The following SGSM3 variants were observed in gnomAD, a reference collection of about 807,000 sequenced individuals.
The protein encoded by SGSM3 is RUN and SH3 containing 3.
SGSM3 carries 96 observed loss-of-function variants against 100.5 expected under a neutral mutation model. That is an observed-to-expected ratio of 0.96 (90% CI 0.81 to 1.13). The LOEUF (loss-of-function observed/expected upper bound fraction) is 1.13, where lower values mean the gene tolerates loss of function less well. Ranked by LOEUF, SGSM3 falls within the 50% of genes most tolerant of loss-of-function variation. SGSM3 has a pLI of 0.00. For missense variants in SGSM3, 1,001 were observed against 1,015.8 expected (o/e 0.99, Z 0.20); for synonymous variants, 483 against 422.8 (o/e 1.14, Z -1.75).
chr22:40,393,869 G>A (rs1026616380), intron 1 of SGSM3, among the ~76,000 whole-genome samples: 4 of 152,178 alleles, frequency 2.6e-5, no homozygotes, highest in African/African-American at 4.8e-5. Context: ...TCTCTTAAAG[G>A]TTCCAGCTCT....
intron 1 of SGSM3, among the ~76,000 whole-genome samples, chr22:40,385,583 G>C (rs2048286340): frequency 6.6e-6 from 1 of 152,196 alleles, no homozygotes; most frequent in South Asian, 2.1e-4. Flanking sequence ...TTTTGACACG[G>C]AGAATAAGGA....
At chr22:40,372,079 T>C (rs1187893078) in intron 1 of SGSM3, among the ~76,000 whole-genome samples, 1 of 150,292 alleles carries the variant, frequency 6.7e-6, no homozygotes, top group Non-Finnish European at 1.5e-5. Flanking sequence ...TCCCTAATTA[T>C]CATAGTAGCC....
intron 4 of SGSM3, among the ~76,000 whole-genome samples, chr22:40,403,726 T>G (rs2051059535): frequency 6.6e-6 from 1 of 152,134 alleles, no homozygotes; most frequent in African/African-American, 2.4e-5. Flanking sequence ...CAGAGTGACA[T>G]GATCTGACTT....
intron 2 of SGSM3, 149 bp from the exon 3 acceptor site, chr22:40,401,444 C>G: frequency 1.8e-6 from 1 of 556,066 alleles, no homozygotes; most frequent in Non-Finnish European, 3.4e-6. Flanking sequence ...ATGGGTTTCT[C>G]CATGTTGGCC....
intron 1 of SGSM3, among the ~76,000 whole-genome samples, chr22:40,386,169 C>T (rs2048410811): frequency 1.3e-5 from 2 of 151,980 alleles, no homozygotes; most frequent in African/African-American, 4.8e-5. Flanking sequence ...TGTGAGCCAC[C>T]ACCTCTCCCA....
intron 17 of SGSM3, 22 bp downstream of exon 17, chr22:40,408,719 T>C (rs1175564705): frequency 6.2e-7 from 1 of 1,613,870 alleles, no homozygotes; most frequent in Non-Finnish European, 8.5e-7. Flanking sequence ...CGGGTTCTTC[T>C]GGTGGGGTCA....
chr22:40,410,012 G>GCC lies in SGSM3; in HGVS notation c.*254_*255dup. The GCC allele has an allele frequency of 7.5e-7, 1 of 1,336,044 alleles. No individual in the cohort carries two copies. The highest frequency in any genetic ancestry group is 9.5e-7 in the Non-Finnish European group (1 of 1,049,302). 82.8% of individuals were successfully genotyped at this position (1,336,044 alleles called of 1,614,324 possible). Reference sequence around the variant, plus strand: ...AAAAACCTTGTGAGGAGGTGGGGGAGCCATGTCTGTGCTCAGGAAGAGGGA... The same window carrying GCC: ...AAAAACCTTGTGAGGAGGTGGGGGAGCCCCATGTCTGTGCTCAGGAAGAGGGA... On this transcript the variant is annotated 3_prime_UTR_variant, in exon 22 of 22. Coordinates refer to ENST00000248929, the MANE Select transcript of SGSM3 (RefSeq NM_015705.6).
In SGSM3 at chr22:40,409,905, A is replaced by C. The variant is rs2052368104; in HGVS notation, c.*146A>C. The C allele has an allele frequency of 7.8e-6, 11 of 1,418,828 alleles. No homozygotes were observed. The South Asian group carries it at 1.4e-4, about 19-fold the overall frequency. 87.9% of individuals were successfully genotyped at this position (1,418,828 alleles called of 1,614,324 possible). On this transcript the variant is annotated 3_prime_UTR_variant, in exon 22 of 22. Coordinates refer to ENST00000248929, the MANE Select transcript of SGSM3 (RefSeq NM_015705.6). ...GCTGCCCCACTCCACGTTCCCCAGC[A>C]CATCCCAGGTGGTGGGAGCAGAGGG...
In SGSM3 at chr22:40,404,652, C is replaced by T. The variant is rs572044942; in HGVS notation, c.462C>T (p.Ile154=). The change falls in exon 6 of 22, where the codon ATC becomes ATT. Residue 154 remains isoleucine (I), a synonymous_variant. Coordinates refer to ENST00000248929, the MANE Select transcript of SGSM3 (RefSeq NM_015705.6). ...IVKNSSNDET[I]AAKQIEKDLL... ...AGAACAGCTCCAACGATGAGACCAT[C>T]GCTGCCAAGCAGGTGAGGCCGGTGG... The T allele has an allele frequency of 1.1e-4, 172 of 1,611,014 alleles. No individual in the cohort carries two copies. Among genetic ancestry groups the T allele is most frequent in the Non-Finnish European group, 1.4e-4 (162 of 1,178,312 alleles).
At chr22:40,399,365 T>C (rs2050438768) in intron 1 of SGSM3, among the ~76,000 whole-genome samples, 2 of 152,218 alleles carry the variant, frequency 1.3e-5, no homozygotes, top group African/African-American at 4.8e-5. Flanking sequence ...GTGGTTGTTC[T>C]GCCACAGCCA....
intron 1 of SGSM3, among the ~76,000 whole-genome samples, chr22:40,394,520 C>T (rs2049797913): frequency 6.6e-6 from 1 of 152,020 alleles, no homozygotes; most frequent in Non-Finnish European, 1.5e-5. Context: ...GTGGTGGGCA[C>T]CTGTAATCCC....
chr22:40,374,850 A>T (rs149605477), intron 1 of SGSM3, among the ~76,000 whole-genome samples: 41 of 152,278 alleles, frequency 2.7e-4, no homozygotes, highest in Non-Finnish European at 4.9e-4. Flanking sequence ...GTACCACTGC[A>T]CTCCAGCCTG....
intron 8 of SGSM3, 88 bp downstream of exon 8, chr22:40,405,932 A>G (rs1486231776): frequency 4.1e-6 from 6 of 1,480,578 alleles, no homozygotes; most frequent in Middle Eastern, 2.0e-4. Flanking sequence ...CAGCCCCCCA[A>G]CCATGGTCTT....
chr22:40,402,471 G>A (rs949251395), intron 4 of SGSM3, among the ~76,000 whole-genome samples: 3 of 152,210 alleles, frequency 2.0e-5, no homozygotes, highest in African/African-American at 7.2e-5. Context: ...TGGACGTGGT[G>A]GCTCACGCCT....
chr22:40,408,018 G>A (rs991515508), intron 14 of SGSM3, 53 bp from the exon 15 acceptor site: 7 of 1,585,594 alleles, frequency 4.4e-6, no homozygotes, highest in Non-Finnish European at 5.2e-6. Flanking sequence ...GGCTGTGTCT[G>A]CTCTGTCCTC....
intron 1 of SGSM3, among the ~76,000 whole-genome samples, chr22:40,390,073 C>T (rs1311905793): frequency 1.3e-5 from 2 of 152,082 alleles, no homozygotes; most frequent in Non-Finnish European, 2.9e-5. Flanking sequence ...TTCACAGATA[C>T]GGAACAAGTC....
intron 1 of SGSM3, among the ~76,000 whole-genome samples, chr22:40,400,257 C>T (rs1290332132): frequency 6.6e-6 from 1 of 152,186 alleles, no homozygotes; most frequent in African/African-American, 2.4e-5. Context: ...CGGAATGTAA[C>T]TTGTCTTGAA....
chr22:40,391,312 G>C (rs1569170346), intron 1 of SGSM3, among the ~76,000 whole-genome samples: 1 of 152,142 alleles, frequency 6.6e-6, no homozygotes, highest in Non-Finnish European at 1.5e-5. Flanking sequence ...TCTGTATTTT[G>C]AGAACCACTG....
intron 1 of SGSM3, chr22:40,376,618 A>T (rs536344351): frequency 3.9e-4 from 59 of 152,202 alleles, no homozygotes; most frequent in African/African-American, 1.4e-3. Flanking sequence ...ATTTGTATTA[A>T]CTCACAATCC....
Sources: allele counts gnomAD v4.1 joint callset (sites outside exome capture counted in the v4.1 genomes callset), GRCh38; gene constraint gnomAD v4.1.1; transcripts MANE v1.5; gene names NCBI Gene and HGNC (gene_info 2026-07-23, HGNC 2026-07-21).